Variants in CDH19 observed in about 807,000 individuals in gnomAD.
CDH19 encodes the protein cadherin 19.
A neutral mutation model predicts 64.2 loss-of-function variants in CDH19; 67 were observed. The ratio of observed to expected loss-of-function variants is 1.04; its 90% CI spans 0.86 to 1.28. The LOEUF (loss-of-function observed/expected upper bound fraction) is 1.28, where lower values mean the gene tolerates loss of function less well. CDH19 is among the 50% of genes most tolerant of loss of function. The pLI, the probability that CDH19 is intolerant of heterozygous loss-of-function variation, is 0.00. For missense variants in CDH19, 1,030 were observed against 929.0 expected (o/e 1.11, Z -1.41); for synonymous variants, 346 against 319.3 (o/e 1.08, Z -0.89).
At chr18:66,559,095 G>C (rs1987625791) in intron 3 of CDH19, among the ~76,000 whole-genome samples, 2 of 151,942 alleles carry the variant, frequency 1.3e-5, no homozygotes, top group African/African-American at 4.8e-5. Context: ...AATTGCTGTT[G>C]TGTTCTAAAA....
chr18:66,534,784 A>G (rs902190568), intron 8 of CDH19, among the ~76,000 whole-genome samples: 3 of 151,920 alleles, frequency 2.0e-5, no homozygotes, highest in African/African-American at 7.2e-5. Context: ...TTACTGTTAT[A>G]ATTAGAAAAT....
chr18:66,603,424 G>A (rs562180135), intron 1 of CDH19, among the ~76,000 whole-genome samples: 47 of 151,484 alleles, frequency 3.1e-4, no homozygotes, highest in Non-Finnish European at 6.2e-4. Context: ...AGGCATATAT[G>A]TGTTTTTATT....
intron 1 of CDH19, among the ~76,000 whole-genome samples, chr18:66,597,081 CAAAAAAAA>C (rs35253366): frequency 7.6e-5 from 2 of 26,342 alleles, no homozygotes; most frequent in African/African-American, 1.3e-4. Context: ...GACTCCATCT[CAAAAAAAA>C]AAAAAAAAAA....
In CDH19 at chr18:66,504,735, G is replaced by C; in HGVS notation, c.*77C>G. On this transcript the variant is annotated 3_prime_UTR_variant, in exon 12 of 12. Coordinates refer to ENST00000262150, the MANE Select transcript of CDH19 (RefSeq NM_021153.4). ...TAGGGCTTTCCCCGCCATAGAGCCA[G>C]GGCACAAAACTCTTTAAGACTACCA... 6.9e-7 allele frequency: 1 copy of C among 1,442,296 alleles called. No homozygotes were observed. Among genetic ancestry groups the C allele is most frequent in the Non-Finnish European group, 9.3e-7 (1 of 1,071,644 alleles). The allele number at this position is 1,442,296 out of a possible 1,614,324, so 89.3% of individuals were successfully genotyped here. A position where few individuals can be genotyped will look rare whatever the true frequency, so the allele number is the denominator to read the frequency against.
chr18:66,546,210 T>C (rs1042427800), intron 5 of CDH19, among the ~76,000 whole-genome samples: 1 of 152,130 alleles, frequency 6.6e-6, no homozygotes, highest in Admixed American at 6.5e-5. Context: ...AAGATTGCAT[T>C]TGAGACCTTA....
At chr18:66,560,513 C>G (rs975714042) in intron 3 of CDH19, among the ~76,000 whole-genome samples, 5 of 151,376 alleles carry the variant, frequency 3.3e-5, no homozygotes, top group African/African-American at 1.2e-4. Flanking sequence ...AATATTAGAA[C>G]AATAAAACTT....
intron 4 of CDH19, among the ~76,000 whole-genome samples, chr18:66,553,385 G>GA: frequency 7.5e-6 from 1 of 133,376 alleles, no homozygotes; most frequent in African/African-American, 3.5e-5. Context: ...CCATACATTT[G>GA]AAAAAATAAA....
At chr18:66,549,332 T>C (rs1987254460) in intron 5 of CDH19, among the ~76,000 whole-genome samples, 1 of 152,154 alleles carries the variant, frequency 6.6e-6, no homozygotes, top group Non-Finnish European at 1.5e-5. Flanking sequence ...CAGAGTCTTC[T>C]ACTTGCTATT....
At chr18:66,519,935 C>G (rs144591344) in intron 9 of CDH19, among the ~76,000 whole-genome samples, 1 of 152,040 alleles carries the variant, frequency 6.6e-6, no homozygotes, top group Non-Finnish European at 1.5e-5. Flanking sequence ...CCTGTAATCC[C>G]AGCACTTTGG....
At chr18:66,585,346 G>A (rs1280882135) in intron 1 of CDH19, among the ~76,000 whole-genome samples, 1 of 152,016 alleles carries the variant, frequency 6.6e-6, no homozygotes, top group Non-Finnish European at 1.5e-5. Context: ...AGTTTGAGAT[G>A]GAATGTTCTA....
intron 8 of CDH19, among the ~76,000 whole-genome samples, chr18:66,532,060 A>T (rs2144425290): frequency 6.6e-6 from 1 of 152,066 alleles, no homozygotes; most frequent in East Asian, 1.9e-4. Context: ...TCCACCTCCT[A>T]GGCTCAAGCG....
intron 1 of CDH19, among the ~76,000 whole-genome samples, chr18:66,591,866 C>T (rs1452258013): frequency 4.0e-5 from 6 of 151,806 alleles, no homozygotes; most frequent in African/African-American, 7.2e-5. Context: ...TGAGTATCTG[C>T]CTACTGCATC....
At chr18:66,518,865 T>G (rs903885697) in intron 9 of CDH19, among the ~76,000 whole-genome samples, 1 of 141,732 alleles carries the variant, frequency 7.1e-6, no homozygotes, top group Non-Finnish European at 1.6e-5. Context: ...TCCAGTCTAA[T>G]GACTTTTTTT....
chr18:66,506,985 A>T (rs1985233554), intron 11 of CDH19, among the ~76,000 whole-genome samples: 1 of 152,050 alleles, frequency 6.6e-6, no homozygotes, highest in African/African-American at 2.4e-5. Flanking sequence ...GGAGATAAAC[A>T]TTTATAAAAC....
chr18:66,533,406 T>C (rs1408582314), intron 8 of CDH19, among the ~76,000 whole-genome samples: 2 of 152,056 alleles, frequency 1.3e-5, no homozygotes, highest in Non-Finnish European at 2.9e-5. Flanking sequence ...GGTTCGTATT[T>C]GTTATGGTTT....
intron 11 of CDH19, among the ~76,000 whole-genome samples, chr18:66,506,976 G>C (rs1045753335): frequency 6.6e-6 from 1 of 151,806 alleles, no homozygotes; most frequent in Non-Finnish European, 1.5e-5. Flanking sequence ...ATCTGAATTG[G>C]AGATAAACAT....
chr18:66,596,817 T>C, intron 1 of CDH19, among the ~76,000 whole-genome samples: 1 of 151,814 alleles, frequency 6.6e-6, no homozygotes, highest in Non-Finnish European at 1.5e-5. Context: ...GCGCGGTGGC[T>C]CACGCCTGTA....
At chr18:66,511,290 A>G (rs569782321) in intron 10 of CDH19, among the ~76,000 whole-genome samples, 1 of 151,800 alleles carries the variant, frequency 6.6e-6, no homozygotes, top group South Asian at 2.1e-4. Flanking sequence ...CAGAACTGCA[A>G]TTATATTCGC....
chr18:66,596,909 C>T (rs1313761564), intron 1 of CDH19, among the ~76,000 whole-genome samples: 3 of 149,562 alleles, frequency 2.0e-5, no homozygotes, highest in East Asian at 2.0e-4. Context: ...GGTGAAACCC[C>T]GTCTCTACTA....
Sources: allele counts gnomAD v4.1 joint callset (sites outside exome capture counted in the v4.1 genomes callset), GRCh38; gene constraint gnomAD v4.1.1; transcripts MANE v1.5; gene names NCBI Gene and HGNC (gene_info 2026-07-23, HGNC 2026-07-21).